The following EMC2 variants were observed in gnomAD, a reference collection of about 807,000 sequenced individuals.
EMC2 encodes ER membrane protein complex subunit 2.
EMC2 carries 37 observed loss-of-function variants against 51.6 expected under a neutral mutation model. That is an observed-to-expected ratio of 0.72 (90% CI 0.55 to 0.94). The LOEUF (loss-of-function observed/expected upper bound fraction) is 0.94, where lower values mean the gene tolerates loss of function less well. EMC2 is among the 40% of genes least tolerant of loss of function. EMC2 has a pLI of 0.00. For synonymous variants in EMC2, 131 were observed against 112.4 expected (o/e 1.17, Z -1.04); for missense variants, 359 against 350.9 (o/e 1.02, Z -0.18).
intron 10 of EMC2, among the ~76,000 whole-genome samples, chr8:108,481,390 G>T (rs970270945): frequency 6.6e-6 from 1 of 151,748 alleles, no homozygotes; most frequent in African/African-American, 2.4e-5. Flanking sequence ...ATGCAGTTTG[G>T]GATAGCTCAG....
chr8:108,453,163 C>G lies in EMC2; in HGVS notation c.305+16C>G. The stretch of plus-strand genomic sequence containing the variant: ...CCATGGAAAGGTAACCAAATCTTAT[C>G]AGCTGGCAGGCATGGAGCCTGTTAA... On this transcript the variant is annotated intron_variant, in intron 4 of 10. Transcript: ENST00000220853. 6.6e-7 allele frequency: 1 copy of G among 1,504,364 alleles called. No individual in the cohort carries two copies. The highest frequency in any genetic ancestry group is 9.1e-7 in the Non-Finnish European group (1 of 1,096,170). 93.2% of individuals were successfully genotyped at this position (1,504,364 alleles called of 1,614,324 possible).
intron 10 of EMC2, among the ~76,000 whole-genome samples, chr8:108,486,177 A>C (rs1811134283): frequency 6.9e-6 from 1 of 145,336 alleles, no homozygotes; most frequent in African/African-American, 2.6e-5. Context: ...TATAAGCTAA[A>C]TTGCATTTTA....
intron 7 of EMC2, chr8:108,470,947 AT>A (rs1810843922): frequency 6.6e-6 from 1 of 152,044 alleles, no homozygotes; most frequent in African/African-American, 2.4e-5. Context: ...GAATGAAGAC[AT>A]TTGTCTATTG....
At chr8:108,462,939 CTG>C (rs1563695993) in intron 5 of EMC2, among the ~76,000 whole-genome samples, 4 of 152,098 alleles carry the variant, frequency 2.6e-5, no homozygotes, top group Non-Finnish European at 5.9e-5. Flanking sequence ...TCTTTCTGAG[CTG>C]TCTCCTTTTA....
At chr8:108,473,508 A>G (rs915082521) in intron 7 of EMC2, among the ~76,000 whole-genome samples, 4 of 152,080 alleles carry the variant, frequency 2.6e-5, no homozygotes, top group Non-Finnish European at 4.4e-5. Flanking sequence ...GGGATACCCA[A>G]CCTTTGTAAG....
intron 1 of EMC2, chr8:108,446,350 CT>C: frequency 2.6e-6 from 1 of 382,188 alleles, no homozygotes. Flanking sequence ...TGAAGTAAAT[CT>C]TTAGAAATAT....
intron 5 of EMC2, among the ~76,000 whole-genome samples, chr8:108,468,977 G>A (rs948103167): frequency 2.0e-5 from 3 of 151,844 alleles, no homozygotes; most frequent in Admixed American, 6.6e-5. Context: ...TTCAGTACAC[G>A]TATCATATGT....
chr8:108,479,166 T>C (rs1811001897), intron 10 of EMC2, 56 bp downstream of exon 10: 3 of 1,045,366 alleles, frequency 2.9e-6, no homozygotes, highest in South Asian at 3.7e-5. Flanking sequence ...TTCTTAGTTT[T>C]GTTACTACAA....
In EMC2 at chr8:108,455,925, AAC is replaced by A; in HGVS notation, c.361_362del (p.Thr121CysfsTer6). 1 of 1,355,226 alleles carries A rather than the reference AAC, an allele frequency of 7.4e-7. No homozygotes were observed. The highest frequency in any genetic ancestry group is 1.0e-6 in the Non-Finnish European group (1 of 998,170). The allele number at this position is 1,355,226 out of a possible 1,614,324, so 84.0% of individuals were successfully genotyped here. On this transcript the variant is annotated frameshift_variant, in exon 5 of 11. Transcript: ENST00000220853. LOFTEE classifies it high-confidence loss of function. ...TAGGATTTTACAAGAAGATCCAACT[AAC>A]ACTGTAAGTTGGCAGATTGTCTTGA... ...YDRILQEDPT[N>X]TAARKRKIAI...
chr8:108,468,572 AT>A (rs1345650883), intron 5 of EMC2, among the ~76,000 whole-genome samples: 2 of 151,816 alleles, frequency 1.3e-5, no homozygotes, highest in Admixed American at 1.3e-4. Context: ...TAGTCTCTTG[AT>A]TTCTCTAAAC....
intron 4 of EMC2, among the ~76,000 whole-genome samples, chr8:108,453,746 T>A (rs1298215780): frequency 6.6e-6 from 1 of 152,158 alleles, no homozygotes; most frequent in South Asian, 2.1e-4. Flanking sequence ...GATAATTGAT[T>A]GTGCTGTACA....
At position 108,476,823 on chromosome 8, in the gene EMC2, A is replaced by G. The variant is rs758136281; in HGVS notation, c.633A>G (p.Ser211=). 1.2e-6 allele frequency: 2 copies of G among 1,607,702 alleles called. No homozygotes were observed. The highest frequency in any genetic ancestry group is 1.7e-6 in the Non-Finnish European group (2 of 1,174,928). The change falls in exon 9 of 11, where the codon TCA becomes TCG. Residue 211 remains serine, a synonymous_variant. Transcript: ENST00000220853. ...TQGGLENLEL[S]RKYFAQALKL... Reference sequence around the variant, plus strand: ...GTGGACTTGAAAACCTCGAACTTTCAAGAAAGTATTTTGCACAGGCATTGA... The same window carrying G: ...GTGGACTTGAAAACCTCGAACTTTCGAGAAAGTATTTTGCACAGGCATTGA...
intron 5 of EMC2, among the ~76,000 whole-genome samples, chr8:108,457,666 C>T (rs938541139): frequency 2.6e-5 from 4 of 152,036 alleles, no homozygotes; most frequent in Admixed American, 6.5e-5. Flanking sequence ...AGGAGATACC[C>T]GCCCCCATAA....
At chr8:108,475,757 A>G (rs755613543) in intron 7 of EMC2, 125 bp from the exon 8 acceptor site, 32 of 561,186 alleles carry the variant, frequency 5.7e-5, no homozygotes, top group African/African-American at 4.6e-4. Flanking sequence ...TAATAAAGCT[A>G]TGTAAATTAT....
At chr8:108,459,420 T>G (rs1293118057) in intron 5 of EMC2, among the ~76,000 whole-genome samples, 1 of 152,142 alleles carries the variant, frequency 6.6e-6, no homozygotes, top group African/African-American at 2.4e-5. Context: ...TGTATTGGAC[T>G]TACAGTTCCA....
intron 5 of EMC2, among the ~76,000 whole-genome samples, chr8:108,465,597 G>T (rs1819447540): frequency 6.6e-6 from 1 of 152,166 alleles, no homozygotes; most frequent in South Asian, 2.1e-4. Flanking sequence ...TATTCTTTTA[G>T]TAGCGTGTTT....
rs562160012 is a variant in EMC2 at position 108,488,069 on chromosome 8, C to G, written c.*1471C>G. On this transcript the variant is annotated 3_prime_UTR_variant, in exon 11 of 11. Coordinates refer to ENST00000220853, the MANE Select transcript of EMC2 (RefSeq NM_014673.5). The stretch of plus-strand genomic sequence containing the variant: ...TTTCACTACCTTTTCCCCTTCAAAC[C>G]TCCTCCCCGTCAGTCACTGGATTAG... 2.6e-5 allele frequency among the ~76,000 whole-genome samples: 4 copies of G among 152,166 alleles called. No individual in the cohort carries two copies. Among genetic ancestry groups the G allele is most frequent in the Non-Finnish European group, 5.9e-5 (4 of 68,002 alleles).
At chr8:108,471,751 T>G (rs917110677) in intron 7 of EMC2, among the ~76,000 whole-genome samples, 4 of 152,002 alleles carry the variant, frequency 2.6e-5, no homozygotes, top group African/African-American at 9.7e-5. Flanking sequence ...TTATATATAA[T>G]GCTGTAGTGA....
chr8:108,481,300 CT>C (rs1811040788), intron 10 of EMC2, among the ~76,000 whole-genome samples: 3 of 151,750 alleles, frequency 2.0e-5, no homozygotes, highest in Admixed American at 2.0e-4. Flanking sequence ...TTTTTATTGT[CT>C]GTTATAGAGC....
Sources: allele counts gnomAD v4.1 joint callset (sites outside exome capture counted in the v4.1 genomes callset), GRCh38; gene constraint gnomAD v4.1.1; transcripts MANE v1.5; gene names NCBI Gene and HGNC (gene_info 2026-07-23, HGNC 2026-07-21).